USP49: variants seen among roughly 807,000 people sequenced by gnomAD.
USP49 encodes the protein ubiquitin carboxyl-terminal hydrolase 49.
A neutral mutation model predicts 58.6 loss-of-function variants in USP49; 24 were observed. The observed-to-expected ratio is 0.41, with a 90% confidence interval of 0.30 to 0.58. The LOEUF (loss-of-function observed/expected upper bound fraction) is 0.58. Ranked by LOEUF, USP49 falls within the 20% of genes least tolerant of loss-of-function variation. The pLI is 0.30. For missense variants in USP49, 703 were observed against 866.1 expected, an observed-to-expected ratio of 0.81 and a Z score of 2.36; for synonymous variants, 408 against 365.1, an observed-to-expected ratio of 1.12 and a Z score of -1.34.
chr6:41,820,524 AAATATT>A (rs904231781), intron 3 of USP49, among the ~76,000 whole-genome samples: 18 of 152,068 alleles, frequency 1.2e-4, no homozygotes, highest in African/African-American at 3.4e-4. Context: ...TTTATAGGTG[AAATATT>A]AATATTATGA....
intron 6 of USP49, among the ~76,000 whole-genome samples, chr6:41,799,453 TC>T (rs1297871430): frequency 2.0e-5 from 3 of 152,154 alleles, no homozygotes; most frequent in East Asian, 3.9e-4. Context: ...AACCTAGAGA[TC>T]CCTAAACAAG....
At position 41,806,018 on chromosome 6, in the gene USP49, G is replaced by C; in HGVS notation, c.966C>G (p.Ala322=). 1 of 1,613,972 alleles carries C rather than the reference G, an allele frequency of 6.2e-7. No homozygotes were observed. Among genetic ancestry groups the C allele is most frequent in the Non-Finnish European group, 8.5e-7 (1 of 1,180,036 alleles). Residue 322 remains alanine, a synonymous_variant, in exon 4 of 8, where the codon GCC becomes GCG. Coordinates refer to ENST00000682992, the MANE Select transcript of USP49 (RefSeq NM_001286554.2). This position sits in a 1 kb window ranked among gnomAD's most constrained non-coding sequence, Gnocchi z 5.9. ...ATELSLRNDR[A]EACEREGFCW... ...AGAAGCCCTCCCGCTCGCATGCCTC[G>C]GCCCTGTCATTTCTCAAGGACAGCT...
rs941231473 is a variant in USP49 at position 41,805,510 on chromosome 6, T to C, written c.1356+118A>G. On this transcript the variant is annotated intron_variant, in intron 4 of 7. Coordinates refer to ENST00000682992, the MANE Select transcript of USP49 (RefSeq NM_001286554.2). Reference sequence around the variant, plus strand: ...AAAGGTATAATGGCCACCCTCCAAATTGCATAATCACAGCAAATGTGGGCT... The same window carrying C: ...AAAGGTATAATGGCCACCCTCCAAACTGCATAATCACAGCAAATGTGGGCT... The C allele has an allele frequency of 2.6e-5, 30 of 1,143,840 alleles. 1 individual carries two copies. Among genetic ancestry groups the C allele is most frequent in the Middle Eastern group, 5.4e-4 (2 of 3,672 alleles). The allele number at this position is 1,143,840 out of a possible 1,614,324, so 70.9% of individuals were successfully genotyped here.
intron 3 of USP49, among the ~76,000 whole-genome samples, chr6:41,839,393 A>G (rs1419353928): frequency 9.0e-6 from 1 of 111,682 alleles, no homozygotes; most frequent in Non-Finnish European, 1.7e-5. Flanking sequence ...CAATAGAGCC[A>G]GGCCTTGTCT....
At chr6:41,869,878 T>C (rs1774384639) in intron 3 of USP49, 1 of 152,230 alleles carries the variant, frequency 6.6e-6, no homozygotes, top group South Asian at 2.1e-4. Context: ...AGGCTGAAGA[T>C]AGTTGTTTAT....
In USP49 at chr6:41,847,809, A is replaced by G. The variant is rs546935434; in HGVS notation, c.-29+23755T>C. Among the ~76,000 whole-genome samples the G allele has an allele frequency of 1.8e-4, 28 of 152,334 alleles. No individual in the cohort carries two copies. The East Asian group carries it at 3.7e-3, about 20-fold the overall frequency. On this transcript the variant is annotated intron_variant, in intron 3 of 7. Coordinates refer to ENST00000682992, the MANE Select transcript of USP49 (RefSeq NM_001286554.2). The stretch of plus-strand genomic sequence containing the variant: ...GGCACGATCAGGACAACACATTCTG[A>G]AATGCACATTATGAAAACTCAGAAG...
chr6:41,865,835 G>A (rs1249175220), intron 3 of USP49, among the ~76,000 whole-genome samples: 1 of 145,100 alleles, frequency 6.9e-6, no homozygotes, highest in Non-Finnish European at 1.5e-5. Context: ...CCAGAGACTG[G>A]GTCTAACTAT....
chr6:41,853,398 C>T (rs796555116), intron 3 of USP49, among the ~76,000 whole-genome samples: 3 of 152,112 alleles, frequency 2.0e-5, no homozygotes, highest in African/African-American at 7.2e-5. Context: ...TTTTTTAATG[C>T]GTATAGAGTT....
intron 7 of USP49, among the ~76,000 whole-genome samples, chr6:41,797,203 G>A (rs62396744): frequency 2.8e-4 from 42 of 152,086 alleles, no homozygotes; most frequent in Non-Finnish European, 4.3e-4. Context: ...CTCGTGATCC[G>A]CCCGCCTCGG....
At chr6:41,797,955 A>G (rs1772915726) in intron 7 of USP49, 1 of 406,438 alleles carries the variant, frequency 2.5e-6, no homozygotes, top group Non-Finnish European at 3.3e-6. Context: ...GCAACTTCAA[A>G]CTCCTGGGCT....
intron 2 of USP49, chr6:41,886,665 G>A (rs1774717496): frequency 6.6e-6 from 1 of 152,284 alleles, no homozygotes; most frequent in Admixed American, 6.5e-5. Flanking sequence ...GGGAGGCCGA[G>A]GCGGGCAGAT....
At chr6:41,868,688 T>G (rs1202090034) in intron 3 of USP49, 2 of 152,198 alleles carry the variant, frequency 1.3e-5, no homozygotes, top group African/African-American at 4.8e-5. Flanking sequence ...TCACAGCAGA[T>G]AGAATAGTCC....
intron 3 of USP49, among the ~76,000 whole-genome samples, chr6:41,852,354 G>A (rs999719838): frequency 1.1e-4 from 17 of 152,208 alleles, no homozygotes; most frequent in East Asian, 7.7e-4. Flanking sequence ...AAATCCTAAC[G>A]AGTTTGCAAA....
chr6:41,802,363 C>T (rs975908971), intron 5 of USP49, among the ~76,000 whole-genome samples: 15 of 139,406 alleles, frequency 1.1e-4, no homozygotes, highest in Non-Finnish European at 2.3e-4. Context: ...CTTCAAAGAG[C>T]GGAACAGGTT....
chr6:41,837,362 T>C (rs1392146147), intron 3 of USP49, among the ~76,000 whole-genome samples: 1 of 152,144 alleles, frequency 6.6e-6, no homozygotes, highest in Non-Finnish European at 1.5e-5. Context: ...GGGAAAGGGC[T>C]CCCTATTCAA....
At chr6:41,838,461 C>G (rs1773764506) in intron 3 of USP49, among the ~76,000 whole-genome samples, 3 of 152,130 alleles carry the variant, frequency 2.0e-5, no homozygotes, top group Admixed American at 2.0e-4. Context: ...TGCAGATATT[C>G]CCCAGAACCA....
rs1773119998 is a variant in USP49, at chr6:41,806,235, G to C, written c.749C>G (p.Pro250Arg). 4 of 1,610,710 alleles carry C rather than the reference G, an allele frequency of 2.5e-6. No individual in the cohort carries two copies. In the East Asian group the frequency reaches 8.9e-5, roughly 36 times the overall value. Residue 250 changes from proline (P) to arginine (R), a missense_variant, in exon 4 of 8, where the codon CCA becomes CGA. Physicochemically the swap from Pro to Arg is moderately radical, Grantham distance 103 (BLOSUM62 -2). This residue lies in a region of USP49 where 376 missense variants were observed against 373.5 expected (regional missense o/e 1.01). Transcript: ENST00000682992. This position sits in a 1 kb window ranked among gnomAD's most constrained non-coding sequence, Gnocchi z 5.9. ...LKLRRQPAMA[P>R]GVTGLRNLGN... The stretch of plus-strand genomic sequence containing the variant: ...CAGGTTGCGCAGGCCCGTGACGCCT[G>C]GGGCCATGGCCGGCTGGCGACGCAG...
chr6:41,806,011 A>T lies in USP49; in HGVS notation c.973T>A (p.Cys325Ser). Residue 325 changes from cysteine to serine, a missense_variant, in exon 4 of 8, where the codon TGC becomes AGC. Coordinates refer to ENST00000682992, the MANE Select transcript of USP49 (RefSeq NM_001286554.2). This position sits in a 1 kb window ranked among gnomAD's most constrained non-coding sequence, Gnocchi z 5.9. ...LSLRNDRAEACEREGFCWNGR... is the reference protein window; with the variant it reads ...LSLRNDRAEASEREGFCWNGR... ...TTCCAGCAGAAGCCCTCCCGCTCGC[A>T]TGCCTCGGCCCTGTCATTTCTCAAG... The T allele has an allele frequency of 1.9e-6, 3 of 1,614,012 alleles. No individual in the cohort carries two copies. Among genetic ancestry groups the T allele is most frequent in the Non-Finnish European group, 2.5e-6 (3 of 1,180,042 alleles).
intron 2 of USP49, among the ~76,000 whole-genome samples, chr6:41,881,288 CAAAAAAAAAAAAAAAAAAAAA>C (rs57022965): frequency 4.9e-5 from 1 of 20,378 alleles, no homozygotes; most frequent in Non-Finnish European, 7.6e-5. Flanking sequence ...CATTAAATAC[CAAAAAAAAAAAAAAAAAAAAA>C]AAAAAAAAAA....
Sources: allele counts gnomAD v4.1 joint callset (sites outside exome capture counted in the v4.1 genomes callset), GRCh38; gene constraint gnomAD v4.1.1; regional missense constraint gnomAD v4.1.1; non-coding constraint Gnocchi (gnomAD v3.1); transcripts MANE v1.5; gene names NCBI Gene and HGNC (gene_info 2026-07-23, HGNC 2026-07-21).